WDR41: variants seen among roughly 807,000 people sequenced by gnomAD.
WDR41 encodes WD repeat-containing protein 41.
WDR41 carries 63 observed loss-of-function variants against 69.3 expected under a neutral mutation model. The observed-to-expected ratio is 0.91, with a 90% CI of 0.74 to 1.12. The LOEUF (loss-of-function observed/expected upper bound fraction) is 1.12. WDR41 is among the 50% of genes most tolerant of loss of function. The pLI, the probability that WDR41 is intolerant of heterozygous loss-of-function variation, is 0.00. For synonymous variants in WDR41, 185 were observed against 192.1 expected (o/e 0.96, Z 0.31); for missense variants, 543 against 534.5 (o/e 1.02, Z -0.16).
intron 1 of WDR41, among the ~76,000 whole-genome samples, chr5:77,543,970 C>G (rs899590971): frequency 6.6e-6 from 1 of 152,098 alleles, no homozygotes; most frequent in Admixed American, 6.5e-5. Flanking sequence ...AGCAGAAACC[C>G]TGAAAGCTAG....
Position 77,433,195 on chromosome 5 carries a change from C to T in WDR41, c.1320G>A (p.Leu440=), listed in dbSNP as rs751506970. The T allele has an allele frequency of 5.6e-5, 90 of 1,613,924 alleles. 1 individual carries two copies. Among genetic ancestry groups the T allele is most frequent in the Non-Finnish European group, 7.1e-5 (84 of 1,179,970 alleles). ...LWKNGERESG[L]RSLRLFQKLE... Reference sequence around the variant, plus strand: ...ATTTTTGAAATAATCTTAAACTGCGCAATCCAGATTCTCGCTCTCCATTTT... The same window carrying T: ...ATTTTTGAAATAATCTTAAACTGCGTAATCCAGATTCTCGCTCTCCATTTT... The change falls in exon 13 of 13, where the codon TTG becomes TTA. Residue 440 remains leucine, a synonymous_variant. Coordinates refer to ENST00000296679, the MANE Select transcript of WDR41 (RefSeq NM_018268.4).
intron 1 of WDR41, among the ~76,000 whole-genome samples, chr5:77,502,904 GC>G (rs1442522488): frequency 1.6e-4 from 25 of 152,206 alleles, no homozygotes; most frequent in Admixed American, 1.0e-3. Context: ...ACCAGCCAGC[GC>G]AAAAACATGC....
chr5:77,544,369 T>TA (rs1182025941), intron 1 of WDR41, among the ~76,000 whole-genome samples: 7 of 152,090 alleles, frequency 4.6e-5, no homozygotes, highest in African/African-American at 1.7e-4. Context: ...ACTTAAAAGA[T>TA]ACAGAATCGT....
chr5:77,587,135 A>G (rs1184516124), intron 1 of WDR41, among the ~76,000 whole-genome samples: 1 of 150,432 alleles, frequency 6.6e-6, no homozygotes, highest in African/African-American at 2.5e-5. Flanking sequence ...TGCTCCCCCA[A>G]ACGTAACCCT....
chr5:77,463,375 G>T, intron 3 of WDR41, 149 bp from the exon 4 acceptor site: 1 of 627,546 alleles, frequency 1.6e-6, no homozygotes, highest in South Asian at 4.5e-5. Context: ...CAATCACACA[G>T]AATCTAAACA....
Position 77,436,382 on chromosome 5 carries a change from A to G in WDR41, c.1106T>C (p.Met369Thr), listed in dbSNP as rs1798935801. The G allele has an allele frequency of 6.2e-7, 1 of 1,613,438 alleles. No individual in the cohort carries two copies. Among genetic ancestry groups the G allele is most frequent in the Non-Finnish European group, 8.5e-7 (1 of 1,179,592 alleles). Residue 369 changes from methionine (M) to threonine (T), a missense_variant, in exon 12 of 13, where the codon ATG (methionine) becomes ACG (threonine). Physicochemically the swap from Met to Thr is moderately conservative, Grantham distance 81. Transcript: ENST00000296679. ...TTTGCTGACTCTTCCAAATCCCCAC[A>G]TGTTAAAAAAACCTAGAAAAAGAAT... ...AEPVPTGFFN[M>T]WGFGRVSKQA...
At chr5:77,433,956 T>G (rs991227945) in intron 12 of WDR41, among the ~76,000 whole-genome samples, 1 of 152,144 alleles carries the variant, frequency 6.6e-6, no homozygotes, top group Non-Finnish European at 1.5e-5. Flanking sequence ...AAAGGCAGCA[T>G]GAATACTATG....
chr5:77,561,225 A>T (rs1232715494), intron 1 of WDR41, among the ~76,000 whole-genome samples: 1 of 152,194 alleles, frequency 6.6e-6, no homozygotes, highest in African/African-American at 2.4e-5. Context: ...TCAGTGTGAT[A>T]TAATTCAATC....
intron 2 of WDR41, among the ~76,000 whole-genome samples, chr5:77,471,637 T>A (rs1462089688): frequency 6.6e-6 from 1 of 152,076 alleles, no homozygotes; most frequent in Non-Finnish European, 1.5e-5. Context: ...CATCAGAGAA[T>A]ACTAAAAACA....
intron 5 of WDR41, among the ~76,000 whole-genome samples, chr5:77,458,671 G>C (rs1273987241): frequency 6.6e-6 from 1 of 152,132 alleles, no homozygotes; most frequent in Non-Finnish European, 1.5e-5. Flanking sequence ...GACATGTCTT[G>C]CCTTTGTGAC....
At chr5:77,585,514 A>G (rs912319499) in intron 1 of WDR41, among the ~76,000 whole-genome samples, 1 of 152,230 alleles carries the variant, frequency 6.6e-6, no homozygotes, top group Non-Finnish European at 1.5e-5. Context: ...CTAAGACGAT[A>G]CTTGCACATT....
upstream of WDR41, chr5:77,492,341 G>A (rs532748924): frequency 2.3e-4 from 316 of 1,359,404 alleles, no homozygotes; most frequent in African/African-American, 4.3e-3. Flanking sequence ...TCCCGCCCCA[G>A]ATCAGCCCAC....
chr5:77,565,370 A>G (rs1743604366), intron 1 of WDR41, among the ~76,000 whole-genome samples: 2 of 152,120 alleles, frequency 1.3e-5, no homozygotes, highest in Non-Finnish European at 2.9e-5. Flanking sequence ...TCCATAACCT[A>G]GCCCCACCTT....
chr5:77,476,245 C>T (rs1364918490), intron 2 of WDR41, among the ~76,000 whole-genome samples: 2 of 152,122 alleles, frequency 1.3e-5, no homozygotes, highest in African/African-American at 4.8e-5. Context: ...CTGGAAAACA[C>T]TCTGCAGGAT....
chr5:77,506,732 T>C (rs1002072866), intron 1 of WDR41, among the ~76,000 whole-genome samples: 1 of 152,170 alleles, frequency 6.6e-6, no homozygotes, highest in African/African-American at 2.4e-5. Flanking sequence ...ATTATGTCCT[T>C]TGCAGGGACA....
At position 77,435,582 on chromosome 5, in the gene WDR41, T is replaced by C. The variant is rs184948970; in HGVS notation, c.1227+679A>G. ...AAATGAAAAGAAATTTTTTGTTCTTTGGCTATGAAACAGGGAAGAACAATT... is the reference window on the plus strand; with the variant it reads ...AAATGAAAAGAAATTTTTTGTTCTTCGGCTATGAAACAGGGAAGAACAATT... On this transcript the variant is annotated intron_variant, in intron 12 of 12. Transcript: ENST00000296679. 5.9e-5 allele frequency among the ~76,000 whole-genome samples: 9 copies of C among 152,346 alleles called. No individual in the cohort carries two copies. The East Asian group carries it at 1.7e-3, about 29-fold the overall frequency.
intron 12 of WDR41, among the ~76,000 whole-genome samples, 175 bp downstream of exon 12, chr5:77,436,086 G>A (rs535206355): frequency 2.0e-5 from 3 of 149,512 alleles, no homozygotes; most frequent in South Asian, 2.1e-4. Flanking sequence ...TCATATATCC[G>A]GAAAGGGAGA....
At chr5:77,579,247 G>T (rs559702565) in intron 1 of WDR41, among the ~76,000 whole-genome samples, 1 of 152,200 alleles carries the variant, frequency 6.6e-6, no homozygotes, top group African/African-American at 2.4e-5. Flanking sequence ...AAGAAGCAAT[G>T]GCTGAAGCCT....
chr5:77,547,912 A>G (rs1267551053), intron 1 of WDR41, among the ~76,000 whole-genome samples: 1 of 152,198 alleles, frequency 6.6e-6, no homozygotes, highest in Admixed American at 6.5e-5. Flanking sequence ...CCAAAACAGC[A>G]TGGTACTGGT....
Sources: allele counts gnomAD v4.1 joint callset (sites outside exome capture counted in the v4.1 genomes callset), GRCh38; gene constraint gnomAD v4.1.1; transcripts MANE v1.5; gene names NCBI Gene and HGNC (gene_info 2026-07-23, HGNC 2026-07-21).